C9: variants seen among roughly 807,000 people sequenced by gnomAD.
C9 encodes complement C9.
In C9, 63 loss-of-function variants were observed where a neutral mutation model predicts 65.4. The ratio of observed to expected loss-of-function variants is 0.96; its 90% CI spans 0.79 to 1.19. The LOEUF (loss-of-function observed/expected upper bound fraction) is 1.19. Among genes scored for constraint, C9 ranks in the 50% most tolerant of loss-of-function variants. The pLI is 0.00. For missense variants in C9, 744 were observed against 670.1 expected (o/e 1.11, Z -1.22); for synonymous variants, 229 against 227.9 (o/e 1.00, Z -0.04).
chr5:39,306,919 T>C (rs1753391814), intron 8 of C9, 127 bp from the exon 9 acceptor site: 2 of 653,270 alleles, frequency 3.1e-6, no homozygotes, highest in Non-Finnish European at 2.7e-6. Flanking sequence ...ATTTATTAAA[T>C]TTTAATTGTA....
chr5:39,300,186 G>A (rs1227972797), intron 9 of C9, among the ~76,000 whole-genome samples: 1 of 152,126 alleles, frequency 6.6e-6, no homozygotes, highest in Non-Finnish European at 1.5e-5. Context: ...GCCAAGGCAG[G>A]TGGATCATTT....
intron 4 of C9, among the ~76,000 whole-genome samples, chr5:39,334,310 T>C (rs1753911327): frequency 1.4e-5 from 2 of 144,458 alleles, no homozygotes; most frequent in South Asian, 4.5e-4. Context: ...CGCAACCCCG[T>C]CTGGGAGGAG....
At chr5:39,296,786 C>T (rs150006310) in intron 9 of C9, among the ~76,000 whole-genome samples, 148 of 151,188 alleles carry the variant, frequency 9.8e-4, no homozygotes, top group Non-Finnish European at 1.9e-3. Context: ...TTTGTGGCCA[C>T]ATAGATGGAA....
chr5:39,321,297 G>C (rs192087645), intron 5 of C9, among the ~76,000 whole-genome samples: 1 of 152,110 alleles, frequency 6.6e-6, no homozygotes, highest in Admixed American at 6.5e-5. Context: ...GAAAAGTGTA[G>C]AAGTTTTAAA....
rs765035931 is a variant in C9, at chr5:39,288,880, T to C, written c.1488A>G (p.Arg496=). 88 of 1,611,718 alleles carry C rather than the reference T, an allele frequency of 5.5e-5. No homozygotes were observed. The highest frequency in any genetic ancestry group is 7.3e-5 in the Non-Finnish European group (86 of 1,178,342). Residue 496 remains arginine (R), a synonymous_variant, in exon 10 of 11, where the codon AGA becomes AGG. Transcript: ENST00000263408. ...ATTCATTGATATAGTCTTCAATGGC[T>C]CTTTCCAAGTTTTGTTTCTTTAGGT... is the stretch of plus-strand genomic sequence containing the variant. The part of the protein sequence containing the change: ...NAHLKKQNLE[R]AIEDYINEFS...
intron 10 of C9, among the ~76,000 whole-genome samples, chr5:39,288,431 CTGATGTT>C (rs1753031190): frequency 2.0e-5 from 3 of 151,404 alleles, no homozygotes; most frequent in Admixed American, 2.0e-4. Context: ...TAGTGAATAC[CTGATGTT>C]TGTTGTATTT....
chr5:39,306,482 C>G, intron 9 of C9, 135 bp downstream of exon 9: 1 of 755,678 alleles, frequency 1.3e-6, no homozygotes, highest in South Asian at 1.6e-5. Flanking sequence ...GCCATGCCTC[C>G]TTTTGGGGAA....
chr5:39,330,190 G>C (rs1054816682), intron 5 of C9, among the ~76,000 whole-genome samples: 1 of 152,292 alleles, frequency 6.6e-6, no homozygotes. Flanking sequence ...TATGAACATA[G>C]ATTAGTTTTG....
At chr5:39,295,076 C>T (rs1438892375) in intron 9 of C9, among the ~76,000 whole-genome samples, 1 of 151,642 alleles carries the variant, frequency 6.6e-6, no homozygotes, top group African/African-American at 2.4e-5. Flanking sequence ...ACAATAAAGG[C>T]CATATATGAC....
chr5:39,312,050 A>G (rs984066665), intron 6 of C9, among the ~76,000 whole-genome samples: 7 of 152,152 alleles, frequency 4.6e-5, no homozygotes, highest in Non-Finnish European at 1.0e-4. Context: ...GGAAAAGGGC[A>G]TAAGGAATTT....
intron 5 of C9, among the ~76,000 whole-genome samples, chr5:39,331,045 C>T (rs1753829216): frequency 6.6e-6 from 1 of 152,074 alleles, no homozygotes. Context: ...TATTATTCTT[C>T]ATTATATTTT....
At chr5:39,312,850 A>G (rs1301544162) in intron 6 of C9, among the ~76,000 whole-genome samples, 3 of 152,188 alleles carry the variant, frequency 2.0e-5, no homozygotes, top group African/African-American at 7.2e-5. Context: ...CTTAAAGCAC[A>G]TTGTTGTCAT....
chr5:39,356,735 AG>A (rs1184291864), intron 1 of C9, among the ~76,000 whole-genome samples: 1 of 152,250 alleles, frequency 6.6e-6, no homozygotes. Flanking sequence ...ATACTAAGAA[AG>A]AACATAGGTG....
At chr5:39,345,750 A>T (rs1449580838) in intron 1 of C9, among the ~76,000 whole-genome samples, 2 of 152,348 alleles carry the variant, frequency 1.3e-5, no homozygotes, top group African/African-American at 4.8e-5. Context: ...CTTATCTCAA[A>T]TTTGACGACA....
chr5:39,342,312 C>CT, intron 1 of C9, 116 bp from the exon 2 acceptor site: 1 of 651,764 alleles, frequency 1.5e-6, no homozygotes, highest in African/African-American at 1.8e-5. Flanking sequence ...TACCACTTAT[C>CT]TTTTTACTAT....
Position 39,342,108 on chromosome 5 carries a change from G to A in C9, c.166C>T (p.Pro56Ser). The change falls in exon 2 of 11, where the codon CCT becomes TCT. Residue 56 changes from proline (P) to serine (S), a missense_variant. Pro to Ser is a moderately conservative substitution (Grantham distance 74). Coordinates refer to ENST00000263408, the MANE Select transcript of C9 (RefSeq NM_001737.5). Reference sequence around the variant, plus strand: ...ACACTTACCATTTGTCTGAGACAAGGATCGCATTGTGACCATTCACTCCAG... The same window carrying A: ...ACACTTACCATTTGTCTGAGACAAGAATCGCATTGTGACCATTCACTCCAG... ...SPWSEWSQCD[P>S]CLRQMFRSRS... is the part of the protein sequence containing the mutation. 1 of 1,586,914 alleles carries A rather than the reference G, an allele frequency of 6.3e-7. No individual in the cohort carries two copies. Among genetic ancestry groups the A allele is most frequent in the Non-Finnish European group, 8.7e-7 (1 of 1,155,152 alleles).
At chr5:39,290,003 G>T (rs1753060041) in intron 9 of C9, among the ~76,000 whole-genome samples, 1 of 151,878 alleles carries the variant, frequency 6.6e-6, no homozygotes, top group Non-Finnish European at 1.5e-5. Flanking sequence ...AATTCCTGCA[G>T]TAAGATACAC....
At chr5:39,360,739 A>G (rs1008180619) in intron 1 of C9, among the ~76,000 whole-genome samples, 1 of 152,312 alleles carries the variant, frequency 6.6e-6, no homozygotes, top group South Asian at 2.1e-4. Context: ...AAACCGTGCC[A>G]AAATACCTAT....
rs187822541 is a variant in C9 at position 39,352,845 on chromosome 5, T to G, written c.78-10649A>C. 5.1e-3 allele frequency among the ~76,000 whole-genome samples: 779 copies of G among 152,114 alleles called. 6 individuals are homozygous for G. The highest frequency in any genetic ancestry group is 7.7e-3 in the Non-Finnish European group (523 of 67,994). ...GTGATGAAGTCTAAGTTTTTTTTTT[T>G]TTTTTTTTTTAACATAATGCAATAG... On this transcript the variant is annotated intron_variant, in intron 1 of 10. Transcript: ENST00000263408.
Sources: gnomAD v4.1 joint callset for allele counts (sites outside exome capture counted in the v4.1 genomes callset) on GRCh38, gnomAD v4.1.1 for gene constraint, MANE v1.5 for transcripts, NCBI Gene and HGNC (gene_info 2026-07-23, HGNC 2026-07-21) for gene names.